The following NASP variants were observed in gnomAD, a reference collection of about 807,000 sequenced individuals.
NASP encodes the protein NASP histone chaperone.
A neutral mutation model predicts 89.5 loss-of-function variants in NASP; 24 were observed. That is an observed-to-expected ratio of 0.27 (90% confidence interval 0.19 to 0.38). The LOEUF (loss-of-function observed/expected upper bound fraction) is 0.38. NASP is among the 10% of genes least tolerant of loss of function. The pLI, the probability that NASP is intolerant of heterozygous loss-of-function variation, is 1.00. For missense variants in NASP, 848 were observed against 921.4 expected, an observed-to-expected ratio of 0.92 and a Z score of 1.03; for synonymous variants, 306 against 324.7, an observed-to-expected ratio of 0.94 and a Z score of 0.62.
At chr1:45,616,449 G>T in intron 12 of NASP, 56 bp downstream of exon 12, 2 of 1,578,654 alleles carry the variant, frequency 1.3e-6, no homozygotes, top group Non-Finnish European at 8.7e-7. Context: ...GTTGGCTCAT[G>T]CCTGTAATCC....
intron 3 of NASP, among the ~76,000 whole-genome samples, chr1:45,604,206 C>T (rs934983779): frequency 1.3e-5 from 2 of 152,126 alleles, no homozygotes; most frequent in African/African-American, 4.8e-5. Context: ...TGAATTCTGC[C>T]AGTATTTTAC....
intron 12 of NASP, 95 bp downstream of exon 12, chr1:45,616,488 A>G (rs1644107449): frequency 4.6e-6 from 7 of 1,513,602 alleles, no homozygotes; most frequent in South Asian, 3.4e-5. Flanking sequence ...AGGCAGGAAG[A>G]TTGCCTGAGG....
chr1:45,584,245 C>T (rs374080713), intron 1 of NASP, 40 bp downstream of exon 1: 36 of 1,541,364 alleles, frequency 2.3e-5, no homozygotes, highest in Middle Eastern at 1.7e-4. Context: ...CTGGCCAGTC[C>T]GCGGGGAGGG....
At chr1:45,615,687 T>C (rs1169643647) in intron 11 of NASP, 2 of 505,886 alleles carry the variant, frequency 4.0e-6, no homozygotes, top group South Asian at 2.7e-5. Context: ...TGGGCCTTTC[T>C]CTCCCTCAGT....
chr1:45,612,372 T>C (rs1247298799), intron 6 of NASP: 3 of 152,182 alleles, frequency 2.0e-5, no homozygotes, highest in African/African-American at 7.2e-5. Context: ...AGAGGCATAT[T>C]ATATCCAATT....
rs1156755370 is a variant in NASP, at chr1:45,591,107, G to A, written c.60-116G>A. 1.2e-5 allele frequency: 7 copies of A among 588,320 alleles called. No individual in the cohort carries two copies. In the Admixed American group the frequency reaches 1.7e-4, roughly 14 times the overall value. The allele number at this position is 588,320 out of a possible 1,614,324, so 36.4% of individuals were successfully genotyped here. A position where few individuals can be genotyped will look rare whatever the true frequency, so the allele number is the denominator to read the frequency against. On this transcript the variant is annotated intron_variant, in intron 1 of 14. Transcript: ENST00000350030. The stretch of plus-strand genomic sequence containing the variant: ...ATGTAAGTAAGTAAATAATACTTGA[G>A]TATTTAATAAATGACAGCTCTTTTA...
chr1:45,594,736 T>C, intron 2 of NASP: 1 of 454,422 alleles, frequency 2.2e-6, no homozygotes. Flanking sequence ...GCTCAAGCCA[T>C]CTTCTCACCT....
chr1:45,597,418 T>C (rs373557234), intron 2 of NASP, among the ~76,000 whole-genome samples: 1 of 149,904 alleles, frequency 6.7e-6, no homozygotes, highest in East Asian at 2.0e-4. Context: ...CAACTACATA[T>C]CTGTATCAAG....
In NASP at chr1:45,591,650, G is replaced by C. The variant is rs145908805; in HGVS notation, c.107+380G>C. Among the ~76,000 whole-genome samples, 942 of 152,044 alleles carry C rather than the reference G, an allele frequency of 6.2e-3. 7 individuals are homozygous for C. The highest frequency in any genetic ancestry group is 0.022 in the African/African-American group (909 of 41,480). On this transcript the variant is annotated intron_variant, in intron 2 of 14. Coordinates refer to ENST00000350030, the MANE Select transcript of NASP (RefSeq NM_002482.4). ...ATTATAGGTGTGAACTACCAGGCCCGTCTCACCTCCTCCCCCTGTAACGTT... is the reference window on the plus strand; with the variant it reads ...ATTATAGGTGTGAACTACCAGGCCCCTCTCACCTCCTCCCCCTGTAACGTT...
intron 1 of NASP, 144 bp downstream of exon 1, chr1:45,584,349 A>T: frequency 1.4e-6 from 1 of 716,346 alleles, no homozygotes; most frequent in Non-Finnish European, 2.3e-6. Flanking sequence ...AGGCCTGGTC[A>T]CTGGAGCAGT....
Position 45,606,713 on chromosome 1 carries a change from C to T in NASP, c.409+122C>T, listed in dbSNP as rs115768468. ...TCCTAAGATGCTTGGGGTGATGATGCCTGCATCTGGTGGAGATTGCAGTGG... is the reference window on the plus strand; with the variant it reads ...TCCTAAGATGCTTGGGGTGATGATGTCTGCATCTGGTGGAGATTGCAGTGG... On this transcript the variant is annotated intron_variant, in intron 5 of 14. Coordinates refer to ENST00000350030, the MANE Select transcript of NASP (RefSeq NM_002482.4). 1.5e-3 allele frequency: 892 copies of T among 597,346 alleles called. 3 individuals are homozygous for T. In the African/African-American group the frequency reaches 0.015, roughly 10 times the overall value. 37.0% of individuals were successfully genotyped at this position (597,346 alleles called of 1,614,324 possible).
intron 2 of NASP, chr1:45,600,475 T>C: frequency 8.6e-7 from 1 of 1,158,082 alleles, no homozygotes; most frequent in Non-Finnish European, 1.1e-6. Context: ...CTGTTTCTTT[T>C]TGTATAGTTT....
intron 1 of NASP, among the ~76,000 whole-genome samples, chr1:45,584,783 A>T (rs1644505337): frequency 6.6e-6 from 1 of 151,930 alleles, no homozygotes. Flanking sequence ...GGAAAACTCC[A>T]TTGTTTGGGG....
At chr1:45,587,272 G>A (rs868698852) in intron 1 of NASP, among the ~76,000 whole-genome samples, 2 of 151,216 alleles carry the variant, frequency 1.3e-5, no homozygotes, top group Admixed American at 6.6e-5. Flanking sequence ...TGCAACCTCC[G>A]CCCTCCCGGA....
rs959694410 is a variant in NASP at position 45,606,474 on chromosome 1, TCTC to T, written c.300-5_300-3del. 6.2e-7 allele frequency: 1 copy of T among 1,605,508 alleles called. No homozygotes were observed. Among genetic ancestry groups the T allele is most frequent in the Non-Finnish European group, 8.5e-7 (1 of 1,172,570 alleles). On this transcript the variant is annotated splice_region_variant and splice_polypyrimidine_tract_variant and intron_variant, in intron 4 of 14. Transcript: ENST00000350030. The stretch of plus-strand genomic sequence containing the variant: ...TCAAACCTTTGGTGCTTTCTTTTGT[TCTC>T]CTAGAATGGAGAATGGTGTGTTGGG...
At position 45,607,729 on chromosome 1, in the gene NASP, A is replaced by G. The variant is rs1402887742; in HGVS notation, c.818A>G (p.Lys273Arg). ...QGEVIVSIEE[K>R]PKEVSEEQPV... ...GAGGTAATTGTGAGCATAGAGGAGA[A>G]GCCAAAAGAAGTTTCAGAAGAGCAG... is the stretch of plus-strand genomic sequence containing the variant. The change falls in exon 6 of 15, where the codon AAG becomes AGG. Residue 273 changes from lysine to arginine, a missense_variant. Coordinates refer to ENST00000350030, the MANE Select transcript of NASP (RefSeq NM_002482.4). 2.5e-6 allele frequency: 4 copies of G among 1,614,128 alleles called. No individual in the cohort carries two copies. The highest frequency in any genetic ancestry group is 3.4e-6 in the Non-Finnish European group (4 of 1,180,004).
chr1:45,604,858 A>G, intron 3 of NASP, 78 bp from the exon 4 acceptor site: 3 of 1,131,150 alleles, frequency 2.7e-6, no homozygotes, highest in South Asian at 1.4e-5. Flanking sequence ...AGAAATATCA[A>G]TTTATAACTG....
At chr1:45,589,650 A>G (rs1190572471) in intron 1 of NASP, among the ~76,000 whole-genome samples, 1 of 152,174 alleles carries the variant, frequency 6.6e-6, no homozygotes, top group Non-Finnish European at 1.5e-5. Context: ...CTGTAATCTC[A>G]GCACTTTGGG....
In NASP at chr1:45,618,182, A is replaced by G. The variant is rs1644141214; in HGVS notation, c.*41A>G. ...TCCTCCCAAGGGAAAGTGTTTTTGT[A>G]TATAATGTATTTTTTCACTTTTGGA... On this transcript the variant is annotated 3_prime_UTR_variant, in exon 15 of 15. Coordinates refer to ENST00000350030, the MANE Select transcript of NASP (RefSeq NM_002482.4). 2 of 1,474,252 alleles carry G rather than the reference A, an allele frequency of 1.4e-6. No homozygotes were observed. The highest frequency in any genetic ancestry group is 1.9e-6 in the Non-Finnish European group (2 of 1,080,472). 91.3% of individuals were successfully genotyped at this position (1,474,252 alleles called of 1,614,324 possible).
Sources: allele counts gnomAD v4.1 joint callset (sites outside exome capture counted in the v4.1 genomes callset), GRCh38; gene constraint gnomAD v4.1.1; transcripts MANE v1.5; gene names NCBI Gene and HGNC (gene_info 2026-07-23, HGNC 2026-07-21).